Variants in CACHD1 observed in about 807,000 individuals in gnomAD.
CACHD1 encodes the protein VWFA and cache domain-containing protein 1.
In CACHD1, 71 loss-of-function variants were observed where a neutral mutation model predicts 138.7. That is an observed-to-expected ratio of 0.51 (90% CI 0.42 to 0.62). The LOEUF (loss-of-function observed/expected upper bound fraction) is 0.62. CACHD1 is among the 20% of genes least tolerant of loss of function. CACHD1 has a pLI of 0.00. For missense variants in CACHD1, 1,389 were observed against 1,625.3 expected, an observed-to-expected ratio of 0.85 and a Z score of 2.50; for synonymous variants, 578 against 591.5, an observed-to-expected ratio of 0.98 and a Z score of 0.33.
chr1:64,661,324 A>G (rs1018859699), intron 13 of CACHD1, among the ~76,000 whole-genome samples: 17 of 152,174 alleles, frequency 1.1e-4, no homozygotes, highest in Non-Finnish European at 2.5e-4. Flanking sequence ...AGGCAATTAA[A>G]TATGTATATG....
At chr1:64,604,667 C>T (rs1003154240) in intron 4 of CACHD1, among the ~76,000 whole-genome samples, 2 of 151,860 alleles carry the variant, frequency 1.3e-5, no homozygotes, top group South Asian at 4.2e-4. Context: ...TTCTTTTTTT[C>T]TTTGAGATAG....
chr1:64,547,192 A>G (rs1646724624), intron 1 of CACHD1, among the ~76,000 whole-genome samples: 1 of 152,204 alleles, frequency 6.6e-6, no homozygotes, highest in African/African-American at 2.4e-5. Context: ...GATCAAATGC[A>G]ATAATTTATG....
At chr1:64,504,650 A>G (rs574698820) in intron 1 of CACHD1, among the ~76,000 whole-genome samples, 1 of 152,334 alleles carries the variant, frequency 6.6e-6, no homozygotes, top group East Asian at 1.9e-4. Context: ...TTTAGGAAGA[A>G]TAAATAAATA....
rs1553146851 is a variant in CACHD1, at chr1:64,681,541, G to GGTTTTTTTTTTTT, written c.3484+206_3484+207insGTTTTTTTTTTTT. On this transcript the variant is annotated intron_variant, in intron 25 of 26. Coordinates refer to ENST00000651257, the MANE Select transcript of CACHD1 (RefSeq NM_020925.4). ...AGAGAATCTCAAAAGATTTTATTGT[G>GGTTTTTTTTTTTT]TTTTTTTTTTTTTTTTTTTTTTTGC... Among the ~76,000 whole-genome samples the GGTTTTTTTTTTTT allele has an allele frequency of 1.1e-3, 77 of 68,146 alleles. 5 individuals carry two copies. Among genetic ancestry groups the GGTTTTTTTTTTTT allele is most frequent in the African/African-American group, 3.4e-3 (46 of 13,660 alleles). 44.7% of individuals were successfully genotyped at this position (68,146 alleles called of 152,430 possible).
intron 2 of CACHD1, among the ~76,000 whole-genome samples, chr1:64,559,303 A>G (rs1430490288): frequency 6.6e-6 from 1 of 152,230 alleles, no homozygotes; most frequent in African/African-American, 2.4e-5. Flanking sequence ...TACACTATGG[A>G]ATATTATGCA....
chr1:64,632,526 G>C, intron 5 of CACHD1, 73 bp from the exon 6 acceptor site: 3 of 1,521,700 alleles, frequency 2.0e-6, no homozygotes, highest in Non-Finnish European at 2.7e-6. Context: ...GCACTGTAGT[G>C]TTCACAGCTG....
At chr1:64,681,184 G>C (rs1557555371) in intron 24 of CACHD1, 74 bp from the exon 25 acceptor site, 9 of 1,101,556 alleles carry the variant, frequency 8.2e-6, no homozygotes, top group Non-Finnish European at 1.2e-5. Context: ...TCAAACAAGT[G>C]CTCAGCAGGG....
At chr1:64,482,244 T>C (rs1646215322) in intron 1 of CACHD1, among the ~76,000 whole-genome samples, 1 of 152,166 alleles carries the variant, frequency 6.6e-6, no homozygotes, top group South Asian at 2.1e-4. Flanking sequence ...TGAAACTTCA[T>C]GGGATTTTTT....
chr1:64,564,403 C>G (rs1646865205), intron 2 of CACHD1, among the ~76,000 whole-genome samples: 1 of 152,190 alleles, frequency 6.6e-6, no homozygotes, highest in South Asian at 2.1e-4. Flanking sequence ...CCAGAAGCCC[C>G]AAGCCCTGAT....
chr1:64,647,063 T>TAAA (rs536997765), intron 8 of CACHD1, among the ~76,000 whole-genome samples: 29 of 124,370 alleles, frequency 2.3e-4, no homozygotes, highest in African/African-American at 7.7e-4. Context: ...AATAGCAAAC[T>TAAA]AAAAAAAAAA....
chr1:64,623,159 T>C (rs1647976119), intron 4 of CACHD1, among the ~76,000 whole-genome samples: 1 of 152,170 alleles, frequency 6.6e-6, no homozygotes, highest in African/African-American at 2.4e-5. Context: ...CCCAACACTT[T>C]GGGAGGCCGA....
At chr1:64,647,553 A>G (rs1179331189) in intron 8 of CACHD1, among the ~76,000 whole-genome samples, 1 of 152,092 alleles carries the variant, frequency 6.6e-6, no homozygotes, top group Non-Finnish European at 1.5e-5. Context: ...TTATTTGCTC[A>G]TTTGTTTTTC....
intron 1 of CACHD1, among the ~76,000 whole-genome samples, chr1:64,544,124 C>T (rs1028439602): frequency 1.2e-4 from 18 of 152,226 alleles, no homozygotes; most frequent in South Asian, 2.1e-4. Context: ...AGGAACAGAT[C>T]CAGAGCTGAA....
intron 9 of CACHD1, among the ~76,000 whole-genome samples, chr1:64,649,762 A>G (rs923951862): frequency 6.6e-6 from 1 of 152,172 alleles, no homozygotes; most frequent in Admixed American, 6.5e-5. Flanking sequence ...ACCAAATCAC[A>G]TGTAGAACTT....
chr1:64,479,283 A>T (rs1182565372), intron 1 of CACHD1, among the ~76,000 whole-genome samples: 2 of 152,330 alleles, frequency 1.3e-5, no homozygotes, highest in South Asian at 2.1e-4. Context: ...ATACCTACCC[A>T]TCAGTTAATT....
intron 2 of CACHD1, among the ~76,000 whole-genome samples, chr1:64,565,520 G>A (rs976552985): frequency 1.3e-5 from 2 of 152,070 alleles, no homozygotes; most frequent in African/African-American, 4.8e-5. Flanking sequence ...ATCTCTGTCC[G>A]TCTTAGCTCT....
At chr1:64,565,112 T>C (rs1257702261) in intron 2 of CACHD1, among the ~76,000 whole-genome samples, 1 of 150,580 alleles carries the variant, frequency 6.6e-6, no homozygotes, top group African/African-American at 2.5e-5. Context: ...TTGTTTACAA[T>C]TTACCTACTG....
chr1:64,566,486 C>CCCCG lies in CACHD1; in HGVS notation c.262-15667_262-15666insGCCC, dbSNP rs1414239011. Among the ~76,000 whole-genome samples the CCCCG allele has an allele frequency of 9.7e-5, 14 of 143,630 alleles. 2 individuals are homozygous for CCCCG. Among genetic ancestry groups the CCCCG allele is most frequent in the Admixed American group, 3.5e-4 (5 of 14,440 alleles). 94.2% of individuals were successfully genotyped at this position (143,630 alleles called of 152,430 possible). On this transcript the variant is annotated intron_variant, in intron 2 of 26. Transcript: ENST00000651257. ...CCACTGTATGTTTTCAATTCCCCCC[C>CCCCG]CCCCACAAGGTATGGGGGAAGTACT...
rs1646137810 is a variant in CACHD1, at chr1:64,470,693, G to A, written c.-52G>A. The A allele has an allele frequency of 2.1e-6, 1 of 473,404 alleles. No individual in the cohort carries two copies. Among genetic ancestry groups the A allele is most frequent in the Non-Finnish European group, 3.7e-6 (1 of 273,626 alleles). The allele number at this position is 473,404 out of a possible 1,614,324, so 29.3% of individuals were successfully genotyped here. A position where few individuals can be genotyped will look rare whatever the true frequency, so the allele number is the denominator to read the frequency against. On this transcript the variant is annotated 5_prime_UTR_variant, in exon 1 of 27. Coordinates refer to ENST00000651257, the MANE Select transcript of CACHD1 (RefSeq NM_020925.4). This position sits in a 1 kb window ranked among gnomAD's most constrained non-coding sequence, Gnocchi z 5.2. ...CGCTTTTGCGGGGGGCACCTCCCGC[G>A]GCCCGCTTCCCCGCGCCCGGAGCCC...
Sources: allele counts gnomAD v4.1 joint callset (sites outside exome capture counted in the v4.1 genomes callset), GRCh38; gene constraint gnomAD v4.1.1; non-coding constraint Gnocchi (gnomAD v3.1); transcripts MANE v1.5; gene names NCBI Gene and HGNC (gene_info 2026-07-23, HGNC 2026-07-21).